UNC93A: variants seen among roughly 807,000 people sequenced by gnomAD.
UNC93A encodes N-acetylglucosamine transporter UNC93A.
Under a neutral mutation model 47.5 loss-of-function variants are expected in UNC93A, and 43 were observed. The ratio of observed to expected loss-of-function variants is 0.91; its 90% CI spans 0.71 to 1.17. The LOEUF (loss-of-function observed/expected upper bound fraction) is 1.17, where lower values mean the gene tolerates loss of function less well. Among genes scored for constraint, UNC93A ranks in the 50% most tolerant of loss-of-function variants. The pLI is 0.00. For missense variants in UNC93A, 605 were observed against 577.6 expected, an observed-to-expected ratio of 1.05 and a Z score of -0.49; for synonymous variants, 280 against 258.0, an observed-to-expected ratio of 1.09 and a Z score of -0.82.
chr6:167,312,267 G>A (rs1778579952), intron 7 of UNC93A, among the ~76,000 whole-genome samples: 1 of 150,968 alleles, frequency 6.6e-6, no homozygotes, highest in Non-Finnish European at 1.5e-5. Context: ...CCTCACCAGC[G>A]ATGTTAACCT....
chr6:167,290,744 C>T (rs2115107347), upstream of UNC93A, among the ~76,000 whole-genome samples: 1 of 152,246 alleles, frequency 6.6e-6, no homozygotes, highest in East Asian at 1.9e-4. Flanking sequence ...ACCAAAATAC[C>T]AAATCATTTA....
At chr6:167,280,531 G>T (rs541913469) in intron 1 of UNC93A, among the ~76,000 whole-genome samples, 1 of 152,234 alleles carries the variant, frequency 6.6e-6, no homozygotes, top group South Asian at 2.1e-4. Flanking sequence ...TTTTTGTCCT[G>T]CTGTTTCCAT....
intron 1 of UNC93A, among the ~76,000 whole-genome samples, chr6:167,294,029 G>A (rs772059416): frequency 1.7e-4 from 26 of 152,228 alleles, no homozygotes; most frequent in Non-Finnish European, 3.1e-4. Flanking sequence ...CGGGCACTCG[G>A]AGGCGGGCGA....
intron 4 of UNC93A, among the ~76,000 whole-genome samples, chr6:167,301,223 G>T (rs1778232095): frequency 6.6e-6 from 1 of 152,214 alleles, no homozygotes; most frequent in Non-Finnish European, 1.5e-5. Context: ...CCCCTGCAGG[G>T]TTACCCCCAG....
At position 167,297,965 on chromosome 6, in the gene UNC93A, C is replaced by G. The variant is rs373736882; in HGVS notation, c.520C>G (p.Leu174Val). The part of the protein sequence containing the change: ...PSQETLPEEQ[L>V]TSCGASDCLM... ...CATAGAGACCCTTCCAGAAGAGCAG[C>G]TCACGTCCTGTGGGGCCAGTGACTG... The change falls in exon 4 of 8, where the codon CTC (leucine) becomes GTC (valine). Residue 174 changes from leucine to valine, a missense_variant. Leu to Val is a conservative substitution (Grantham distance 32). Coordinates refer to ENST00000230256, the MANE Select transcript of UNC93A (RefSeq NM_018974.4). 2 of 1,614,094 alleles carry G rather than the reference C, an allele frequency of 1.2e-6. No individual in the cohort carries two copies. Among genetic ancestry groups the G allele is most frequent in the Non-Finnish European group, 1.7e-6 (2 of 1,180,008 alleles).
chr6:167,294,908 C>G (rs552657744), intron 2 of UNC93A, among the ~76,000 whole-genome samples: 105 of 152,200 alleles, frequency 6.9e-4, no homozygotes, highest in African/African-American at 2.2e-3. Flanking sequence ...CTCTGTGCCC[C>G]CCACTGCTTC....
intron 7 of UNC93A, among the ~76,000 whole-genome samples, chr6:167,310,701 T>C (rs1042932956): frequency 2.0e-5 from 3 of 152,100 alleles, no homozygotes; most frequent in African/African-American, 7.2e-5. Context: ...GCCAACATGG[T>C]AAAACCTCAT....
At chr6:167,294,896 T>A (rs1778010733) in intron 2 of UNC93A, among the ~76,000 whole-genome samples, 198 bp downstream of exon 2, 2 of 151,970 alleles carry the variant, frequency 1.3e-5, no homozygotes, top group Admixed American at 1.3e-4. Context: ...CCACCAAGGC[T>A]CCTCTGTGCC....
chr6:167,281,644 T>C (rs1300769541), intron 1 of UNC93A, among the ~76,000 whole-genome samples: 1 of 152,164 alleles, frequency 6.6e-6, no homozygotes, highest in African/African-American at 2.4e-5. Flanking sequence ...AGATTCAGGC[T>C]CCATGACTAA....
intron 3 of UNC93A, among the ~76,000 whole-genome samples, chr6:167,297,065 C>A (rs1196031592): frequency 6.6e-6 from 1 of 152,218 alleles, no homozygotes; most frequent in Non-Finnish European, 1.5e-5. Flanking sequence ...GAAGGTGATG[C>A]ATAGCAATTT....
At chr6:167,295,779 A>T (rs1293448018) in intron 2 of UNC93A, among the ~76,000 whole-genome samples, 1 of 152,054 alleles carries the variant, frequency 6.6e-6, no homozygotes, top group African/African-American at 2.4e-5. Context: ...TTGCAATCGC[A>T]TCCGATACAA....
At position 167,297,996 on chromosome 6, in the gene UNC93A, TG is replaced by T; in HGVS notation, c.553del (p.Ala185ProfsTer32). On this transcript the variant is annotated frameshift_variant, in exon 4 of 8. Transcript: ENST00000230256. LOFTEE classifies it high-confidence loss of function. ...LTSCGASDCL[M>X]ATTTTNSTQR... ...TCCTGTGGGGCCAGTGACTGCCTGA[TG>T]GCCACCACAACCACCAACAGCACCC... The T allele has an allele frequency of 2.5e-6, 4 of 1,614,124 alleles. No homozygotes were observed. The highest frequency in any genetic ancestry group is 3.4e-6 in the Non-Finnish European group (4 of 1,180,026).
chr6:167,314,788 T>C (rs538688791), intron 7 of UNC93A, among the ~76,000 whole-genome samples: 1 of 152,212 alleles, frequency 6.6e-6, no homozygotes, highest in Non-Finnish European at 1.5e-5. Flanking sequence ...CTACCTTTGC[T>C]TGGAGTTGTC....
intron 1 of UNC93A, among the ~76,000 whole-genome samples, chr6:167,285,102 C>A (rs971864924): frequency 3.9e-5 from 6 of 152,082 alleles, no homozygotes; most frequent in Non-Finnish European, 1.5e-5. Context: ...CAGGTGGCAC[C>A]ACTGCAGAGG....
At chr6:167,304,284 T>C in intron 5 of UNC93A, 151 bp downstream of exon 5, 2 of 782,778 alleles carry the variant, frequency 2.6e-6, no homozygotes, top group Non-Finnish European at 4.2e-6. Flanking sequence ...AGTGCTACCA[T>C]AGCTGAGTTT....
At chr6:167,281,271 C>T (rs1783629304) in intron 1 of UNC93A, among the ~76,000 whole-genome samples, 1 of 151,902 alleles carries the variant, frequency 6.6e-6, no homozygotes. Flanking sequence ...GAGAGGAGCC[C>T]CAGGAGGAGG....
intron 6 of UNC93A, 123 bp from the exon 7 acceptor site, chr6:167,307,656 G>T (rs905712551): frequency 8.8e-7 from 1 of 1,133,466 alleles, no homozygotes; most frequent in Admixed American, 2.3e-5. Context: ...TGGTTGAGAC[G>T]GTTCCAGAGG....
upstream of UNC93A, among the ~76,000 whole-genome samples, chr6:167,289,017 T>C (rs538340187): frequency 3.3e-5 from 5 of 152,304 alleles, no homozygotes; most frequent in African/African-American, 4.8e-5. Flanking sequence ...GAAGTGGCTA[T>C]TGACACCTTT....
chr6:167,299,117 C>CAA (rs35271042), intron 4 of UNC93A, among the ~76,000 whole-genome samples: 5 of 90,552 alleles, frequency 5.5e-5, no homozygotes, highest in South Asian at 3.0e-4. Flanking sequence ...GACTCCATCT[C>CAA]AAAAAAAAAA....
Sources: allele counts gnomAD v4.1 joint callset (sites outside exome capture counted in the v4.1 genomes callset), GRCh38; gene constraint gnomAD v4.1.1; transcripts MANE v1.5; gene names NCBI Gene and HGNC (gene_info 2026-07-23, HGNC 2026-07-21).